SH2D4B: variants seen among roughly 807,000 people sequenced by gnomAD.
SH2D4B encodes SH2 domain-containing protein 4B.
A neutral mutation model predicts 61.5 loss-of-function variants in SH2D4B; 45 were observed. That is an observed-to-expected ratio of 0.73 (90% CI 0.58 to 0.94). The LOEUF is 0.94. Ranked by LOEUF, SH2D4B falls within the 40% of genes least tolerant of loss-of-function variation. The pLI is 0.00. For synonymous variants in SH2D4B, 224 were observed against 220.4 expected (o/e 1.02, Z -0.14); for missense variants, 572 against 574.2 (o/e 1.00, Z 0.04).
At chr10:80,631,943 TG>T (rs1842838234) in intron 6 of SH2D4B, among the ~76,000 whole-genome samples, 1 of 152,154 alleles carries the variant, frequency 6.6e-6, no homozygotes, top group Non-Finnish European at 1.5e-5. Flanking sequence ...AGAGAGTTTT[TG>T]TTTGTTTGTT....
At chr10:80,576,308 G>A (rs1263153491) in intron 3 of SH2D4B, among the ~76,000 whole-genome samples, 1 of 152,222 alleles carries the variant, frequency 6.6e-6, no homozygotes, top group African/African-American at 2.4e-5. Flanking sequence ...TGCCAAGGAA[G>A]GTTATGATTA....
chr10:80,614,771 A>T (rs1300891623), intron 6 of SH2D4B, among the ~76,000 whole-genome samples: 1 of 152,234 alleles, frequency 6.6e-6, no homozygotes, highest in African/African-American at 2.4e-5. Flanking sequence ...TCAGGTTGTC[A>T]TGAACATTGG....
chr10:80,582,523 C>T (rs757745674), intron 3 of SH2D4B, among the ~76,000 whole-genome samples: 7 of 152,262 alleles, frequency 4.6e-5, no homozygotes, highest in Non-Finnish European at 1.0e-4. Context: ...CCCAGGGTGA[C>T]TTCATAAATA....
chr10:80,587,168 T>G (rs1842268038), intron 3 of SH2D4B, among the ~76,000 whole-genome samples: 7 of 130,410 alleles, frequency 5.4e-5, no homozygotes, highest in East Asian at 2.5e-4. Context: ...TTTTTTTTTT[T>G]GGAGACGCCC....
chr10:80,619,382 G>T (rs1842692824), intron 6 of SH2D4B, among the ~76,000 whole-genome samples: 1 of 152,228 alleles, frequency 6.6e-6, no homozygotes. Flanking sequence ...CTGTGTCACA[G>T]CCCTGTCCTG....
At chr10:80,588,528 C>T (rs1589347232) in intron 3 of SH2D4B, 102 bp from the exon 4 acceptor site, 11 of 1,453,716 alleles carry the variant, frequency 7.6e-6, no homozygotes, top group East Asian at 4.6e-5. Flanking sequence ...GCCACTGCTG[C>T]ACTCTCAGCC....
chr10:80,544,919 A>G (rs1180873464), intron 1 of SH2D4B, among the ~76,000 whole-genome samples: 1 of 152,024 alleles, frequency 6.6e-6, no homozygotes, highest in Non-Finnish European at 1.5e-5. Flanking sequence ...CCCTTTCCCC[A>G]GATCCTCATG....
intron 1 of SH2D4B, among the ~76,000 whole-genome samples, chr10:80,546,809 G>A (rs7097741): frequency 0.38 from 56,992 of 151,892 alleles, 12,028 homozygotes; most frequent in African/African-American, 0.58. Context: ...TTACAGGCGT[G>A]AGCCACCGCG....
intron 6 of SH2D4B, among the ~76,000 whole-genome samples, chr10:80,613,597 G>A (rs1842627118): frequency 6.6e-6 from 1 of 152,240 alleles, no homozygotes; most frequent in Non-Finnish European, 1.5e-5. Context: ...GATCTCAAGC[G>A]TGGCCTCACC....
intron 6 of SH2D4B, 56 bp from the exon 7 acceptor site, chr10:80,634,229 G>C: frequency 6.8e-7 from 1 of 1,474,072 alleles, no homozygotes; most frequent in South Asian, 1.4e-5. Flanking sequence ...GAGAATCGTG[G>C]GGGAGGCAGT....
intron 4 of SH2D4B, among the ~76,000 whole-genome samples, chr10:80,590,841 A>C (rs1842316504): frequency 6.6e-6 from 1 of 151,814 alleles, no homozygotes; most frequent in Non-Finnish European, 1.5e-5. Flanking sequence ...TCACTTCAAA[A>C]AGAAACTCTG....
At chr10:80,565,564 G>T (rs1320293164) in intron 1 of SH2D4B, among the ~76,000 whole-genome samples, 1 of 151,856 alleles carries the variant, frequency 6.6e-6, no homozygotes, top group Non-Finnish European at 1.5e-5. Flanking sequence ...CCCAACTGAA[G>T]AACTTTATTT....
intron 4 of SH2D4B, among the ~76,000 whole-genome samples, chr10:80,594,660 A>C (rs1842367038): frequency 6.6e-6 from 1 of 152,110 alleles, no homozygotes; most frequent in Non-Finnish European, 1.5e-5. Flanking sequence ...TAGTCTCTTC[A>C]CTTGTTATGA....
At chr10:80,603,834 G>A (rs770362731) in intron 5 of SH2D4B, 39 bp downstream of exon 5, 115 of 1,577,530 alleles carry the variant, frequency 7.3e-5, no homozygotes, top group Non-Finnish European at 9.7e-5. Flanking sequence ...TGGGGCAAGG[G>A]CCTTGGATTA....
chr10:80,606,498 C>G (rs1415308465), intron 5 of SH2D4B, among the ~76,000 whole-genome samples: 2 of 151,998 alleles, frequency 1.3e-5, no homozygotes, highest in Non-Finnish European at 2.9e-5. Context: ...AGGCGCGCGC[C>G]AGTACACCCG....
At chr10:80,589,595 G>A (rs74143191) in intron 4 of SH2D4B, among the ~76,000 whole-genome samples, 1,684 of 152,324 alleles carry the variant, frequency 0.011, 37 homozygotes, top group African/African-American at 0.039. Context: ...AAGCCCTAGG[G>A]ATCCAGGGAT....
chr10:80,644,284 A>C lies in SH2D4B; in HGVS notation c.*199A>C. On this transcript the variant is annotated 3_prime_UTR_variant, in exon 8 of 8. Coordinates refer to ENST00000646907, the MANE Select transcript of SH2D4B (RefSeq NM_001388272.1). Reference sequence around the variant, plus strand: ...CCCAGCGATCGGGACAGAAATTGCTAATAGCTCATGCAACTCTTTCATGAA... The same window carrying C: ...CCCAGCGATCGGGACAGAAATTGCTCATAGCTCATGCAACTCTTTCATGAA... 1.8e-6 allele frequency: 1 copy of C among 546,906 alleles called. No individual in the cohort carries two copies. The highest frequency in any genetic ancestry group is 2.6e-5 in the South Asian group (1 of 38,920). 33.9% of individuals were successfully genotyped at this position (546,906 alleles called of 1,614,324 possible).
intron 6 of SH2D4B, among the ~76,000 whole-genome samples, chr10:80,632,464 C>G (rs80189312): frequency 6.6e-6 from 1 of 152,022 alleles, no homozygotes; most frequent in Admixed American, 6.6e-5. Flanking sequence ...AAAGTTGAAT[C>G]GTATATAATT....
intron 5 of SH2D4B, among the ~76,000 whole-genome samples, chr10:80,604,250 G>A (rs1842489644): frequency 6.6e-6 from 1 of 152,160 alleles, no homozygotes; most frequent in South Asian, 2.1e-4. Flanking sequence ...TGGAATAGTA[G>A]GTTTGCAGTT....
Sources: gnomAD v4.1 joint callset for allele counts (sites outside exome capture counted in the v4.1 genomes callset) on GRCh38, gnomAD v4.1.1 for gene constraint, MANE v1.5 for transcripts, NCBI Gene and HGNC (gene_info 2026-07-23, HGNC 2026-07-21) for gene names.